DNM3: variants seen among roughly 807,000 people sequenced by gnomAD.
The protein encoded by DNM3 is dynamin-3.
DNM3 carries 47 observed loss-of-function variants against 101.6 expected under a neutral mutation model. That is an observed-to-expected ratio of 0.46 (90% CI 0.37 to 0.59). DNM3 has a LOEUF of 0.59. Ranked by LOEUF, DNM3 falls within the 20% of genes least tolerant of loss-of-function variation. The probability of loss-of-function intolerance (pLI) is 0.00; values close to 1 mark genes in which losing one functional copy is unlikely to be tolerated. For missense variants in DNM3, 849 were observed against 1,085.7 expected (o/e 0.78, Z 3.06); for synonymous variants, 385 against 387.9 (o/e 0.99, Z 0.09).
chr1:172,055,928 T>C (rs1321597053), intron 10 of DNM3, among the ~76,000 whole-genome samples: 3 of 152,120 alleles, frequency 2.0e-5, no homozygotes, highest in Admixed American at 6.5e-5. Flanking sequence ...CCATCTGAGG[T>C]ACCGGGTTCA....
intron 17 of DNM3, among the ~76,000 whole-genome samples, chr1:172,332,180 G>C (rs1470527951): frequency 6.6e-6 from 1 of 152,178 alleles, no homozygotes; most frequent in East Asian, 1.9e-4. Context: ...TTTCTAGTCA[G>C]GATAGAGTAA....
At chr1:172,416,681 T>G (rs941043959), downstream of DNM3, among the ~76,000 whole-genome samples, 1 of 152,072 alleles carries the variant, frequency 6.6e-6, no homozygotes, top group African/African-American at 2.4e-5. Context: ...CCTGCTGAGG[T>G]CATTAAAGTG....
intron 11 of DNM3, among the ~76,000 whole-genome samples, chr1:172,073,948 A>G (rs2052427251): frequency 4.6e-5 from 7 of 152,066 alleles, no homozygotes; most frequent in Admixed American, 4.6e-4. Flanking sequence ...TCGTCTCCCC[A>G]TTGAATACTA....
intron 15 of DNM3, among the ~76,000 whole-genome samples, chr1:172,263,409 A>G (rs1557899867): frequency 1.3e-5 from 2 of 152,224 alleles, no homozygotes; most frequent in African/African-American, 4.8e-5. Context: ...CAAAGTATCA[A>G]TGAAATGTAT....
intron 10 of DNM3, among the ~76,000 whole-genome samples, chr1:172,058,171 A>G (rs1158934516): frequency 6.7e-6 from 1 of 149,534 alleles, no homozygotes; most frequent in Non-Finnish European, 1.5e-5. Flanking sequence ...TGCACCCAAT[A>G]CAGGAGCACC....
At chr1:172,235,521 A>G (rs1238113639) in intron 14 of DNM3, among the ~76,000 whole-genome samples, 3 of 152,232 alleles carry the variant, frequency 2.0e-5, no homozygotes, top group African/African-American at 4.8e-5. Flanking sequence ...ATTATAAGTC[A>G]TGCTGCTGTA....
intron 1 of DNM3, among the ~76,000 whole-genome samples, chr1:171,843,019 G>A (rs191861614): frequency 6.6e-6 from 1 of 152,166 alleles, no homozygotes; most frequent in Non-Finnish European, 1.5e-5. Flanking sequence ...GGATGCAGAA[G>A]GTTCCTGTTT....
rs2048671542 is a variant in DNM3 at position 172,032,396 on chromosome 1, AT to A, written c.590-5del. The A allele has an allele frequency of 6.2e-7, 1 of 1,607,456 alleles. No individual in the cohort carries two copies. Among genetic ancestry groups the A allele is most frequent in the African/African-American group, 1.3e-5 (1 of 74,716 alleles). ...TTGTGTAATGTTGGGTTTGTTTATG[AT>A]GCAGGTCTGAGAACCATTGGAGTTA... On this transcript the variant is annotated splice_region_variant and splice_polypyrimidine_tract_variant and intron_variant, in intron 4 of 20. Transcript: ENST00000627582.
At chr1:172,213,271 ACTC>A (rs57571155) in intron 14 of DNM3, among the ~76,000 whole-genome samples, 86,809 of 151,346 alleles carry the variant, frequency 0.57, 27,498 homozygotes, top group African/African-American at 0.85. Context: ...ATCTTGCTTT[ACTC>A]CTCTATACGT....
intron 8 of DNM3, 70 bp downstream of exon 8, chr1:172,042,214 C>T (rs2049438344): frequency 7.0e-7 from 1 of 1,429,818 alleles, no homozygotes; most frequent in African/African-American, 1.4e-5. Flanking sequence ...CAACTTAATA[C>T]AATATTGTGT....
chr1:172,414,954 C>T (rs1237257988), downstream of DNM3, among the ~76,000 whole-genome samples: 1 of 151,538 alleles, frequency 6.6e-6, no homozygotes, highest in Non-Finnish European at 1.5e-5. Context: ...CATGGTGGCT[C>T]ATGCCTGTAG....
intron 18 of DNM3, among the ~76,000 whole-genome samples, chr1:172,381,298 G>A (rs773424388): frequency 2.6e-5 from 4 of 151,962 alleles, no homozygotes; most frequent in Non-Finnish European, 5.9e-5. Context: ...GTCAAATCTT[G>A]AAGTAAAAAC....
At chr1:172,264,969 A>G (rs1398830731) in intron 15 of DNM3, among the ~76,000 whole-genome samples, 1 of 152,210 alleles carries the variant, frequency 6.6e-6, no homozygotes, top group African/African-American at 2.4e-5. Context: ...ATCAGCAATG[A>G]AGAGATTTTT....
At chr1:172,078,838 C>T (rs1350967790) in intron 11 of DNM3, among the ~76,000 whole-genome samples, 1 of 152,144 alleles carries the variant, frequency 6.6e-6, no homozygotes, top group Non-Finnish European at 1.5e-5. Flanking sequence ...AATCACTCAG[C>T]ATTTGCTAGT....
intron 17 of DNM3, among the ~76,000 whole-genome samples, chr1:172,349,191 G>A (rs754950795): frequency 6.6e-6 from 1 of 152,050 alleles, no homozygotes; most frequent in South Asian, 2.1e-4. Context: ...GCTATATACT[G>A]ACTATTTTCT....
chr1:171,985,519 C>T (rs954290064), intron 2 of DNM3, among the ~76,000 whole-genome samples: 1 of 152,198 alleles, frequency 6.6e-6, no homozygotes, highest in African/African-American at 2.4e-5. Context: ...CAGATTTCTG[C>T]AGCCTGTTGA....
chr1:172,167,543 A>C (rs548612770), intron 14 of DNM3, among the ~76,000 whole-genome samples: 1 of 152,174 alleles, frequency 6.6e-6, no homozygotes, highest in South Asian at 2.1e-4. Context: ...CCAACAGTGT[A>C]AAAGTGTTCC....
chr1:172,393,647 G>A (rs1195736463), intron 20 of DNM3: 1 of 152,748 alleles, frequency 6.5e-6, no homozygotes, highest in East Asian at 1.9e-4. Flanking sequence ...TTGGACAAAT[G>A]AGGAACTCAT....
intron 2 of DNM3, among the ~76,000 whole-genome samples, chr1:171,953,891 G>T (rs955407122): frequency 1.3e-5 from 2 of 152,156 alleles, no homozygotes; most frequent in Non-Finnish European, 2.9e-5. Context: ...TTAATTTGTT[G>T]TAGGAAAGTA....
Sources: gnomAD v4.1 joint callset for allele counts (sites outside exome capture counted in the v4.1 genomes callset) on GRCh38, gnomAD v4.1.1 for gene constraint, MANE v1.5 for transcripts, NCBI Gene and HGNC (gene_info 2026-07-23, HGNC 2026-07-21) for gene names.